Variants in TEK observed in about 807,000 individuals in gnomAD.
TEK encodes the protein angiopoietin-1 receptor.
In TEK, 43 loss-of-function variants were observed where a neutral mutation model predicts 131.8. The ratio of observed to expected loss-of-function variants is 0.33; its 90% CI spans 0.26 to 0.42. The LOEUF (loss-of-function observed/expected upper bound fraction) is 0.42. Among genes scored for constraint, TEK ranks in the 10% least tolerant of loss-of-function variants. The probability of loss-of-function intolerance (pLI) is 1.00; values close to 1 mark genes in which losing one functional copy is unlikely to be tolerated. For synonymous variants in TEK, 580 were observed against 491.6 expected (o/e 1.18, Z -2.38); for missense variants, 1,162 against 1,384.4 (o/e 0.84, Z 2.55).
intron 16 of TEK, among the ~76,000 whole-genome samples, chr9:27,209,722 T>C (rs1007879325): frequency 6.6e-6 from 1 of 152,280 alleles, no homozygotes; most frequent in Admixed American, 6.5e-5. Context: ...GATAGTGCTT[T>C]GTTTTTATCC....
At chr9:27,217,544 GAA>G in intron 18 of TEK, 142 bp from the exon 19 acceptor site, 8 of 727,640 alleles carry the variant, frequency 1.1e-5, no homozygotes, top group Non-Finnish European at 1.7e-5. Flanking sequence ...TTTGAAATTT[GAA>G]AACACATGTA....
At chr9:27,224,997 C>T (rs887258662) in intron 21 of TEK, among the ~76,000 whole-genome samples, 1 of 152,200 alleles carries the variant, frequency 6.6e-6, no homozygotes, top group African/African-American at 2.4e-5. Context: ...TGAGTGAACT[C>T]TCATTCACAA....
chr9:27,181,227 A>C (rs965920944), intron 7 of TEK, among the ~76,000 whole-genome samples: 1 of 152,226 alleles, frequency 6.6e-6, no homozygotes. Context: ...TAGTCAATTA[A>C]CACAGAGACT....
At chr9:27,137,678 A>G (rs990786340) in intron 1 of TEK, among the ~76,000 whole-genome samples, 2 of 108,876 alleles carry the variant, frequency 1.8e-5, no homozygotes, top group African/African-American at 7.1e-5. Flanking sequence ...CATCTTCTTA[A>G]CAAGATTTAC....
intron 1 of TEK, among the ~76,000 whole-genome samples, chr9:27,138,290 C>T (rs1043693464): frequency 8.6e-5 from 13 of 151,640 alleles, no homozygotes; most frequent in Non-Finnish European, 1.6e-4. Flanking sequence ...TTTGGCCCTG[C>T]CCACATCCTG....
intron 1 of TEK, among the ~76,000 whole-genome samples, chr9:27,144,626 G>T (rs567240194): frequency 6.6e-6 from 1 of 152,198 alleles, no homozygotes; most frequent in Admixed American, 6.5e-5. Context: ...TGAGGCGAGG[G>T]AATGTGATCA....
intron 1 of TEK, among the ~76,000 whole-genome samples, chr9:27,154,402 T>A (rs924260100): frequency 6.6e-6 from 1 of 152,194 alleles, no homozygotes; most frequent in Non-Finnish European, 1.5e-5. Flanking sequence ...CTGCCCCTTT[T>A]TAAGAAATGG....
intron 11 of TEK, among the ~76,000 whole-genome samples, chr9:27,192,968 A>G (rs937963281): frequency 6.6e-6 from 1 of 152,192 alleles, no homozygotes; most frequent in African/African-American, 2.4e-5. Flanking sequence ...CAGCTCCTGC[A>G]TTTTATCACT....
intron 1 of TEK, among the ~76,000 whole-genome samples, chr9:27,118,742 C>G (rs982199331): frequency 6.6e-6 from 1 of 152,248 alleles, no homozygotes; most frequent in East Asian, 1.9e-4. Context: ...GATGGGTCTG[C>G]CAATCACTGG....
chr9:27,214,254 C>A (rs181098453), intron 18 of TEK, among the ~76,000 whole-genome samples: 1 of 152,258 alleles, frequency 6.6e-6, no homozygotes, highest in African/African-American at 2.4e-5. Context: ...CGCATCCCTG[C>A]ATGTTACAGC....
At chr9:27,146,194 G>T (rs1822910698) in intron 1 of TEK, among the ~76,000 whole-genome samples, 1 of 152,060 alleles carries the variant, frequency 6.6e-6, no homozygotes, top group Non-Finnish European at 1.5e-5. Flanking sequence ...TACAGTTTGT[G>T]GCTATATGCT....
At chr9:27,121,681 T>A (rs538777622) in intron 1 of TEK, among the ~76,000 whole-genome samples, 2 of 151,974 alleles carry the variant, frequency 1.3e-5, no homozygotes, top group Admixed American at 6.6e-5. Context: ...AATATGAGGA[T>A]AAGAAAAAAA....
rs1037710288 is a variant in TEK, at chr9:27,121,419, G to A, written c.52+11777G>A. Among the ~76,000 whole-genome samples the A allele has an allele frequency of 5.3e-5, 8 of 151,342 alleles. No homozygotes were observed. The South Asian group carries it at 1.5e-3, about 28-fold the overall frequency. ...GTGTTGTATATATTACTGCTGGCCT[G>A]CAAGATGATTTGTATATATATTTCA... On this transcript the variant is annotated intron_variant, in intron 1 of 22. Coordinates refer to ENST00000380036, the MANE Select transcript of TEK (RefSeq NM_000459.5).
chr9:27,226,490 C>T (rs554900879), intron 21 of TEK, among the ~76,000 whole-genome samples: 2 of 151,848 alleles, frequency 1.3e-5, no homozygotes, highest in African/African-American at 4.8e-5. Flanking sequence ...AACAGAAGAC[C>T]AAACATTGCA....
At chr9:27,146,823 G>A (rs9886811) in intron 1 of TEK, among the ~76,000 whole-genome samples, 8,127 of 148,584 alleles carry the variant, frequency 0.055, 743 homozygotes, top group African/African-American at 0.19. Context: ...TCCGCCTCCC[G>A]GGTTCACGCC....
intron 12 of TEK, among the ~76,000 whole-genome samples, chr9:27,199,500 C>G (rs1172191254): frequency 6.6e-6 from 1 of 152,134 alleles, no homozygotes; most frequent in Non-Finnish European, 1.5e-5. Flanking sequence ...ATCTCTATGT[C>G]TATATCCTTT....
intron 20 of TEK, 37 bp from the exon 21 acceptor site, chr9:27,220,012 C>G: frequency 6.2e-7 from 1 of 1,601,422 alleles, no homozygotes; most frequent in Non-Finnish European, 8.6e-7. Flanking sequence ...GCTTTTCATG[C>G]CAGAGAGGAC....
chr9:27,177,613 G>A (rs577876120), intron 6 of TEK, among the ~76,000 whole-genome samples: 30 of 152,340 alleles, frequency 2.0e-4, no homozygotes, highest in South Asian at 4.1e-4. Context: ...AGTCAGGCAC[G>A]GTGGTGCATG....
intron 1 of TEK, among the ~76,000 whole-genome samples, chr9:27,112,582 A>G (rs895263830): frequency 2.0e-5 from 3 of 152,118 alleles, no homozygotes; most frequent in African/African-American, 7.2e-5. Context: ...ATCTCAAAAG[A>G]CTATGTGATG....
Sources: allele counts gnomAD v4.1 joint callset (sites outside exome capture counted in the v4.1 genomes callset), GRCh38; gene constraint gnomAD v4.1.1; transcripts MANE v1.5; gene names NCBI Gene and HGNC (gene_info 2026-07-23, HGNC 2026-07-21).